The following COLEC12 variants were observed in gnomAD, a reference collection of about 807,000 sequenced individuals.
The protein encoded by COLEC12 is collectin subfamily member 12.
COLEC12 carries 33 observed loss-of-function variants against 71.1 expected under a neutral mutation model. The observed-to-expected ratio is 0.46, with a 90% CI of 0.35 to 0.62. COLEC12 has a LOEUF of 0.62. Among genes scored for constraint, COLEC12 ranks in the 20% least tolerant of loss-of-function variants. The pLI, the probability that COLEC12 is intolerant of heterozygous loss-of-function variation, is 0.00. For synonymous variants in COLEC12, 350 were observed against 353.0 expected, an observed-to-expected ratio of 0.99 and a Z score of 0.10; for missense variants, 765 against 916.1, an observed-to-expected ratio of 0.84 and a Z score of 2.13.
intron 6 of COLEC12, chr18:334,489 G>A (rs2143438498): frequency 3.1e-6 from 1 of 317,584 alleles, no homozygotes; most frequent in East Asian, 4.9e-5. Context: ...TTAGCTGGCT[G>A]TGGGGGCACA....
rs1435395717 is a variant in COLEC12, at chr18:500,679, C to A, written c.-165G>T. 5.3e-5 allele frequency: 17 copies of A among 318,948 alleles called. No homozygotes were observed. The highest frequency in any genetic ancestry group is 7.2e-5 in the Non-Finnish European group (15 of 209,116). 19.8% of individuals were successfully genotyped at this position (318,948 alleles called of 1,614,324 possible). On this transcript the variant is annotated 5_prime_UTR_variant, in exon 1 of 10. Coordinates refer to ENST00000400256, the MANE Select transcript of COLEC12 (RefSeq NM_130386.3). The surrounding 1 kb of genome is among the most constrained non-coding windows in gnomAD (Gnocchi z 5.3). ...CGCCGCCGCCGGCCCGCGCTCCCCG[C>A]GCTCCCGGCTCCGCGCTCTGCTGCC...
chr18:418,406 G>A (rs1050674343), intron 2 of COLEC12, among the ~76,000 whole-genome samples: 1 of 152,142 alleles, frequency 6.6e-6, no homozygotes, highest in South Asian at 2.1e-4. Flanking sequence ...ATCAGTGAAA[G>A]TACAAACTAA....
intron 2 of COLEC12, among the ~76,000 whole-genome samples, chr18:466,150 G>A (rs1215113481): frequency 6.6e-6 from 1 of 152,192 alleles, no homozygotes; most frequent in East Asian, 1.9e-4. Context: ...TGAGGCAGGA[G>A]AATCACTTGA....
chr18:455,544 A>G (rs34186987), intron 2 of COLEC12, among the ~76,000 whole-genome samples: 16,566 of 152,168 alleles, frequency 0.11, 1,361 homozygotes, highest in East Asian at 0.38. Flanking sequence ...TTTGTTACAT[A>G]GGTATACATG....
intron 2 of COLEC12, among the ~76,000 whole-genome samples, chr18:393,843 T>C (rs529829003): frequency 6.6e-6 from 1 of 152,224 alleles, no homozygotes; most frequent in Non-Finnish European, 1.5e-5. Context: ...AGATGCCTAA[T>C]AGATGTTCAA....
chr18:483,612 C>T (rs1917465810), intron 1 of COLEC12, among the ~76,000 whole-genome samples: 1 of 152,072 alleles, frequency 6.6e-6, no homozygotes, highest in African/African-American at 2.4e-5. Context: ...GAAGAACTTG[C>T]CTACAACCAA....
intron 2 of COLEC12, among the ~76,000 whole-genome samples, chr18:439,265 T>G (rs1381060991): frequency 2.0e-5 from 3 of 152,222 alleles, no homozygotes; most frequent in African/African-American, 7.2e-5. Flanking sequence ...TAGTCTTTGC[T>G]TTATTCAGAG....
chr18:477,919 G>C (rs140282814), intron 2 of COLEC12, among the ~76,000 whole-genome samples: 3 of 152,300 alleles, frequency 2.0e-5, no homozygotes, highest in African/African-American at 7.2e-5. Flanking sequence ...GCATGGAAGG[G>C]ACTTGGTCTT....
In COLEC12 at chr18:330,453, C is replaced by T. The variant is rs111770895; in HGVS notation, c.2063+1215G>A. The stretch of plus-strand genomic sequence containing the variant: ...CTGGTGGAGCCCTGCAGGGTCTGGC[C>T]TCTCCGTCCCCAGCAAACTAAAGGT... On this transcript the variant is annotated intron_variant, in intron 8 of 9. Transcript: ENST00000400256. 7.0e-3 allele frequency among the ~76,000 whole-genome samples: 1,059 copies of T among 151,952 alleles called. 16 individuals carry two copies. Among genetic ancestry groups the T allele is most frequent in the African/African-American group, 0.024 (1,013 of 41,442 alleles).
chr18:481,271 A>G (rs886109139), intron 1 of COLEC12, among the ~76,000 whole-genome samples: 1 of 152,170 alleles, frequency 6.6e-6, no homozygotes, highest in Non-Finnish European at 1.5e-5. Flanking sequence ...AGGAGCCGAC[A>G]TAACTCCTGC....
rs181665410 is a variant in COLEC12 at position 468,056 on chromosome 18, G to A, written c.58+12651C>T. ...AGACAGGTGGATCACGAGGTCAGGA[G>A]TTCGAGACCAGCCTGGCCAATATGG... On this transcript the variant is annotated intron_variant, in intron 2 of 9. Transcript: ENST00000400256. Among the ~76,000 whole-genome samples, 3 of 152,246 alleles carry A rather than the reference G, an allele frequency of 2.0e-5. No homozygotes were observed. The East Asian group carries it at 5.8e-4, about 29-fold the overall frequency.
At position 347,202 on chromosome 18, in the gene COLEC12, C is replaced by T; in HGVS notation, c.420G>A (p.Gln140=). ...TGTCCACCAGAGCATCCCCGCTCGC[C>T]TGTAACTTCTCCAGCGTATCCTTGT... ...SKNKDTLEKL[Q]ASGDALVDRQ... Residue 140 remains glutamine, a synonymous_variant, in exon 5 of 10, where the codon CAG becomes CAA. Coordinates refer to ENST00000400256, the MANE Select transcript of COLEC12 (RefSeq NM_130386.3). 2 of 1,614,188 alleles carry T rather than the reference C, an allele frequency of 1.2e-6. No homozygotes were observed. Among genetic ancestry groups the T allele is most frequent in the Non-Finnish European group, 8.5e-7 (1 of 1,180,040 alleles).
Position 500,598 on chromosome 18 carries a change from C to T in COLEC12, c.-84G>A. 8.9e-7 allele frequency: 1 copy of T among 1,123,706 alleles called. No homozygotes were observed. Among genetic ancestry groups the T allele is most frequent in the Non-Finnish European group, 1.1e-6 (1 of 898,946 alleles). The allele number at this position is 1,123,706 out of a possible 1,614,324, so 69.6% of individuals were successfully genotyped here. A position where few individuals can be genotyped will look rare whatever the true frequency, so the allele number is the denominator to read the frequency against. On this transcript the variant is annotated 5_prime_UTR_variant, in exon 1 of 10. It adds an upstream start codon to the 5' untranslated region. Transcript: ENST00000400256. The surrounding 1 kb of genome is among the most constrained non-coding windows in gnomAD (Gnocchi z 5.3). ...GGAAGTCGTCCCGAGCGGCTGCTCA[C>T]CGCACGCCCATGGTAGCCGCGCCGC...
chr18:429,977 T>G (rs1916270636), intron 2 of COLEC12, among the ~76,000 whole-genome samples: 1 of 152,236 alleles, frequency 6.6e-6, no homozygotes, highest in East Asian at 1.9e-4. Flanking sequence ...CGACTCTGTT[T>G]TGCTCAGTTC....
Position 480,581 on chromosome 18 carries a change from G to A in COLEC12, c.58+126C>T. 2.4e-6 allele frequency: 2 copies of A among 830,560 alleles called. No homozygotes were observed. Among genetic ancestry groups the A allele is most frequent in the Non-Finnish European group, 4.2e-6 (2 of 479,324 alleles). 51.4% of individuals were successfully genotyped at this position (830,560 alleles called of 1,614,324 possible). A position where few individuals can be genotyped will look rare whatever the true frequency, so the allele number is the denominator to read the frequency against. On this transcript the variant is annotated intron_variant, in intron 2 of 9. Transcript: ENST00000400256. This position sits in a 1 kb window ranked among gnomAD's most constrained non-coding sequence, Gnocchi z 4.1. ...GACACTCACTTTCCAACCAAAATTG[G>A]ACCTCAGAGCCACAAACACCCATGT... is the stretch of plus-strand genomic sequence containing the variant.
intron 2 of COLEC12, among the ~76,000 whole-genome samples, chr18:428,150 G>A (rs886081820): frequency 4.6e-5 from 7 of 152,048 alleles, no homozygotes; most frequent in Non-Finnish European, 7.4e-5. Flanking sequence ...TGTAATCCCA[G>A]CTACTCGGGA....
At chr18:370,339 G>T (rs1914973273) in intron 2 of COLEC12, among the ~76,000 whole-genome samples, 3 of 152,064 alleles carry the variant, frequency 2.0e-5, no homozygotes, top group African/African-American at 7.2e-5. Context: ...CCAAAGAAAC[G>T]AATTTTATTT....
At chr18:347,373 G>A (rs768000829) in intron 4 of COLEC12, 32 bp from the exon 5 acceptor site, 16 of 1,572,266 alleles carry the variant, frequency 1.0e-5, no homozygotes, top group East Asian at 2.2e-5. Flanking sequence ...ACTTATATTG[G>A]TGGTATGGAG....
At chr18:460,925 C>T (rs1165485879) in intron 2 of COLEC12, among the ~76,000 whole-genome samples, 1 of 152,222 alleles carries the variant, frequency 6.6e-6, no homozygotes, top group Non-Finnish European at 1.5e-5. Context: ...TTAATGTCTT[C>T]ATGGTCACGT....
Sources: gnomAD v4.1 joint callset for allele counts (sites outside exome capture counted in the v4.1 genomes callset) on GRCh38, gnomAD v4.1.1 for gene constraint, Gnocchi (gnomAD v3.1) non-coding constraint, MANE v1.5 for transcripts, NCBI Gene and HGNC (gene_info 2026-07-23, HGNC 2026-07-21) for gene names.